Variants in ARFGAP3 observed in about 807,000 individuals in gnomAD.
The protein encoded by ARFGAP3 is ARF GTPase activating protein 3.
In ARFGAP3, 72 loss-of-function variants were observed where a neutral mutation model predicts 75.0. That is an observed-to-expected ratio of 0.96 (90% CI 0.79 to 1.17). The LOEUF (loss-of-function observed/expected upper bound fraction) is 1.17, where lower values mean the gene tolerates loss of function less well. Among genes scored for constraint, ARFGAP3 ranks in the 50% most tolerant of loss-of-function variants. The pLI, the probability that ARFGAP3 is intolerant of heterozygous loss-of-function variation, is 0.00. For missense variants in ARFGAP3, 620 were observed against 626.6 expected, an observed-to-expected ratio of 0.99 and a Z score of 0.11; for synonymous variants, 221 against 217.9, an observed-to-expected ratio of 1.01 and a Z score of -0.13.
chr22:42,856,381 T>C (rs908279008), intron 1 of ARFGAP3, among the ~76,000 whole-genome samples: 1 of 152,142 alleles, frequency 6.6e-6, no homozygotes, highest in East Asian at 1.9e-4. Context: ...GACAGCCCTT[T>C]GCACTCTCCA....
chr22:42,850,513 C>T (rs1404583600), intron 1 of ARFGAP3, among the ~76,000 whole-genome samples: 1 of 125,162 alleles, frequency 8.0e-6, no homozygotes, highest in African/African-American at 3.0e-5. Context: ...GCGGAGGATG[C>T]AATGAGCGGA....
chr22:42,817,933 A>G, intron 9 of ARFGAP3, 76 bp from the exon 10 acceptor site: 1 of 1,340,392 alleles, frequency 7.5e-7, no homozygotes, highest in African/African-American at 1.5e-5. Flanking sequence ...GCAAAATTAA[A>G]CATGTAATTT....
At chr22:42,846,511 A>G (rs1352520771) in intron 2 of ARFGAP3, among the ~76,000 whole-genome samples, 4 of 152,240 alleles carry the variant, frequency 2.6e-5, no homozygotes, top group Non-Finnish European at 5.9e-5. Flanking sequence ...CTATTGCCAT[A>G]GAGTATCAGA....
intron 3 of ARFGAP3, among the ~76,000 whole-genome samples, chr22:42,840,225 C>A (rs758642109): frequency 1.3e-5 from 2 of 152,116 alleles, no homozygotes; most frequent in Non-Finnish European, 2.9e-5. Context: ...AGCCACCGTG[C>A]CCAGCTGGGG....
rs1213993609 is a variant in ARFGAP3, at chr22:42,820,849, A to G, written c.812+1421T>C. ...TCAAGAGCCTTACAAAAGTCTACGG[A>G]AAACCGATCTCTTCACTGGCCTCCT... is the stretch of plus-strand genomic sequence containing the variant. On this transcript the variant is annotated intron_variant, in intron 9 of 15. Coordinates refer to ENST00000263245, the MANE Select transcript of ARFGAP3 (RefSeq NM_014570.5). 2.0e-5 allele frequency among the ~76,000 whole-genome samples: 3 copies of G among 152,176 alleles called. No individual in the cohort carries two copies. In the East Asian group the frequency reaches 5.8e-4, roughly 29 times the overall value.
At position 42,850,734 on chromosome 22, in the gene ARFGAP3, C is replaced by CCTCACCA. The variant is rs1927243445; in HGVS notation, c.70-3109_70-3103dup. Among the ~76,000 whole-genome samples, 17 of 152,192 alleles carry CCTCACCA rather than the reference C, an allele frequency of 1.1e-4. No homozygotes were observed. The South Asian group carries it at 3.5e-3, about 32-fold the overall frequency. ...AAACACGAGTGGGTTTTCTAAAGCC[C>CCTCACCA]CTCACCACAATATGCTCACACTGAT... On this transcript the variant is annotated intron_variant, in intron 1 of 15. Coordinates refer to ENST00000263245, the MANE Select transcript of ARFGAP3 (RefSeq NM_014570.5).
In ARFGAP3 at chr22:42,826,844, G is replaced by A. The variant is rs947686292; in HGVS notation, c.625+96C>T. On this transcript the variant is annotated intron_variant, in intron 7 of 15. Coordinates refer to ENST00000263245, the MANE Select transcript of ARFGAP3 (RefSeq NM_014570.5). ...GATTCGGTCATGATTATATTACTCC[G>A]TCAGGTGAGATGCCCAGGCCAAATG... The A allele has an allele frequency of 4.5e-5, 42 of 924,996 alleles. 1 individual carries two copies. The highest frequency in any genetic ancestry group is 2.9e-4 in the Middle Eastern group (1 of 3,424). The allele number at this position is 924,996 out of a possible 1,614,324, so 57.3% of individuals were successfully genotyped here. A position where few individuals can be genotyped will look rare whatever the true frequency, so the allele number is the denominator to read the frequency against.
intron 11 of ARFGAP3, among the ~76,000 whole-genome samples, chr22:42,815,695 G>A (rs981408540): frequency 6.6e-6 from 1 of 152,150 alleles, no homozygotes; most frequent in African/African-American, 2.4e-5. Flanking sequence ...TGCCCTCAGA[G>A]ACATAAGTGA....
chr22:42,842,187 C>T (rs954991962), intron 2 of ARFGAP3, among the ~76,000 whole-genome samples: 4 of 151,516 alleles, frequency 2.6e-5, no homozygotes, highest in African/African-American at 9.7e-5. Context: ...GTATTTTTAG[C>T]AGAGACAGGG....
rs1555899059 is a variant in ARFGAP3, at chr22:42,838,290, A to ATATT, written c.261+2653_261+2654insAATA. On this transcript the variant is annotated intron_variant, in intron 3 of 15. Transcript: ENST00000263245. ...TACACACACACATATATATATATAT[A>ATATT]TTTTTTTTTTCTTTTTTTTTTTTCT... 9.7e-3 allele frequency among the ~76,000 whole-genome samples: 1,332 copies of ATATT among 137,174 alleles called. 22 individuals carry two copies. The highest frequency in any genetic ancestry group is 0.033 in the African/African-American group (1,221 of 36,686). 90.0% of individuals were successfully genotyped at this position (137,174 alleles called of 152,430 possible).
intron 2 of ARFGAP3, among the ~76,000 whole-genome samples, chr22:42,845,794 C>T (rs908521836): frequency 6.6e-6 from 1 of 152,018 alleles, no homozygotes; most frequent in Non-Finnish European, 1.5e-5. Context: ...AATCCCAACA[C>T]TTTGGGAGGA....
chr22:42,798,604 C>T (rs1924710932), intron 15 of ARFGAP3, among the ~76,000 whole-genome samples: 1 of 152,096 alleles, frequency 6.6e-6, no homozygotes, highest in African/African-American at 2.4e-5. Flanking sequence ...GATATAAAAC[C>T]CTCTATACAA....
In ARFGAP3 at chr22:42,845,714, T is replaced by C. The variant is rs182014469; in HGVS notation, c.188+1800A>G. Among the ~76,000 whole-genome samples, 377 of 152,024 alleles carry C rather than the reference T, an allele frequency of 2.5e-3. 2 individuals carry two copies. Among genetic ancestry groups the C allele is most frequent in the Non-Finnish European group, 4.1e-3 (278 of 67,978 alleles). The stretch of plus-strand genomic sequence containing the variant: ...TCAAAATGAATCAAAGACTTAAAGG[T>C]AAGACCTAAAACTATAAAACTCTTA... On this transcript the variant is annotated intron_variant, in intron 2 of 15. Coordinates refer to ENST00000263245, the MANE Select transcript of ARFGAP3 (RefSeq NM_014570.5).
intron 12 of ARFGAP3, 172 bp from the exon 13 acceptor site, chr22:42,809,062 C>T (rs139350362): frequency 2.2e-4 from 108 of 489,452 alleles, no homozygotes; most frequent in South Asian, 2.0e-3. Flanking sequence ...AATACCCAAA[C>T]GATACAAAAT....
At chr22:42,827,131 G>A in intron 6 of ARFGAP3, 132 bp from the exon 7 acceptor site, 2 of 1,348,502 alleles carry the variant, frequency 1.5e-6, no homozygotes, top group Admixed American at 3.3e-5. Context: ...CTTTTTAGCT[G>A]TATATTCTAT....
chr22:42,799,188 A>G, intron 14 of ARFGAP3, 28 bp from the exon 15 acceptor site: 1 of 1,611,146 alleles, frequency 6.2e-7, no homozygotes, highest in East Asian at 2.2e-5. Context: ...ACACTGTCTC[A>G]TCACTGCCCT....
intron 14 of ARFGAP3, among the ~76,000 whole-genome samples, chr22:42,806,630 G>T (rs187093790): frequency 6.6e-6 from 1 of 152,234 alleles, no homozygotes. Flanking sequence ...CATTTAAGCC[G>T]CATGACAACC....
At chr22:42,810,032 G>T (rs1304933714) in intron 12 of ARFGAP3, among the ~76,000 whole-genome samples, 3 of 151,070 alleles carry the variant, frequency 2.0e-5, no homozygotes, top group Admixed American at 6.6e-5. Flanking sequence ...AAAAAAATTG[G>T]GGAAAAAGGT....
At chr22:42,832,622 G>A (rs1926346540) in intron 5 of ARFGAP3, among the ~76,000 whole-genome samples, 5 of 152,178 alleles carry the variant, frequency 3.3e-5, no homozygotes, top group Admixed American at 3.3e-4. Flanking sequence ...CAGTGGGACT[G>A]GGAGGAGCTA....
Sources: allele counts gnomAD v4.1 joint callset (sites outside exome capture counted in the v4.1 genomes callset), GRCh38; gene constraint gnomAD v4.1.1; transcripts MANE v1.5; gene names NCBI Gene and HGNC (gene_info 2026-07-23, HGNC 2026-07-21).